The following GSE1 variants were observed in gnomAD, a reference collection of about 807,000 sequenced individuals.
GSE1 encodes the protein genetic suppressor element 1.
In GSE1, 32 loss-of-function variants were observed where a neutral mutation model predicts 112.6. The ratio of observed to expected loss-of-function variants is 0.28; its 90% CI spans 0.21 to 0.38. The LOEUF (loss-of-function observed/expected upper bound fraction) is 0.38. Among genes scored for constraint, GSE1 ranks in the 10% least tolerant of loss-of-function variants. The probability of loss-of-function intolerance (pLI) is 1.00; values close to 1 mark genes in which losing one functional copy is unlikely to be tolerated. For missense variants in GSE1, 2,348 were observed against 1,699.2 expected (o/e 1.38, Z -6.71); for synonymous variants, 1,115 against 735.6 (o/e 1.52, Z -8.35).
At chr16:85,600,568 C>CACAA (rs145960286) in intron 1 of GSE1, among the ~76,000 whole-genome samples, 2,781 of 151,176 alleles carry the variant, frequency 0.018, 76 homozygotes, top group African/African-American at 0.061. Flanking sequence ...AAAAAACACA[C>CACAA]ACACACACAC....
At chr16:85,610,928 T>A (rs2151532759), upstream of GSE1, among the ~76,000 whole-genome samples, 1 of 152,198 alleles carries the variant, frequency 6.6e-6, no homozygotes. Flanking sequence ...AAAAGCCGAG[T>A]GATGCACCTC....
intron 2 of GSE1, among the ~76,000 whole-genome samples, chr16:85,536,545 G>A (rs2044334679): frequency 6.6e-6 from 1 of 152,204 alleles, no homozygotes; most frequent in Non-Finnish European, 1.5e-5. Context: ...ACGGATAACG[G>A]AGGGCTGGGC....
At chr16:85,476,731 C>A (rs1175277563) in intron 2 of GSE1, among the ~76,000 whole-genome samples, 1 of 151,894 alleles carries the variant, frequency 6.6e-6, no homozygotes, top group South Asian at 2.1e-4. Flanking sequence ...ACCGCAGCCT[C>A]CCCAGTAGCT....
chr16:85,294,329 G>T (rs1165299945), intron 1 of GSE1, among the ~76,000 whole-genome samples: 3 of 152,206 alleles, frequency 2.0e-5, no homozygotes, highest in Non-Finnish European at 4.4e-5. Flanking sequence ...CATGGAACCT[G>T]TACCCTCTGG....
At chr16:85,534,716 G>A (rs943797594) in intron 2 of GSE1, among the ~76,000 whole-genome samples, 7 of 152,190 alleles carry the variant, frequency 4.6e-5, no homozygotes, top group Admixed American at 3.3e-4. Flanking sequence ...CCCTCCCGTC[G>A]CTTCTTTTGG....
At chr16:85,648,479 C>T in intron 2 of GSE1, 73 bp from the exon 3 acceptor site, 2 of 753,444 alleles carry the variant, frequency 2.7e-6, no homozygotes, top group Non-Finnish European at 4.3e-6. Context: ...CAGCTGGAGC[C>T]CAGGTCCCCA....
intron 2 of GSE1, among the ~76,000 whole-genome samples, chr16:85,437,544 G>A (rs1405604175): frequency 2.6e-5 from 4 of 151,922 alleles, no homozygotes; most frequent in South Asian, 2.1e-4. Flanking sequence ...ACAGCCCTGC[G>A]GGTTCTACCA....
intron 2 of GSE1, among the ~76,000 whole-genome samples, chr16:85,517,550 A>G (rs2051992363): frequency 6.6e-6 from 1 of 152,064 alleles, no homozygotes; most frequent in Admixed American, 6.5e-5. Context: ...GCCTGGAGAG[A>G]GTGGAAGTGG....
chr16:85,671,812 C>G (rs999702171), intron 15 of GSE1: 29 of 154,726 alleles, frequency 1.9e-4, no homozygotes, highest in Non-Finnish European at 3.4e-4. Context: ...ACGTGGCTCA[C>G]AGCCACACTA....
intron 2 of GSE1, among the ~76,000 whole-genome samples, chr16:85,500,339 G>A (rs2051318387): frequency 1.3e-5 from 2 of 152,196 alleles, no homozygotes; most frequent in South Asian, 4.1e-4. Flanking sequence ...TGGCTAATTT[G>A]TTTTCAATAG....
intron 1 of GSE1, among the ~76,000 whole-genome samples, chr16:85,297,471 T>C (rs780761702): frequency 6.7e-6 from 1 of 150,210 alleles, no homozygotes; most frequent in Non-Finnish European, 1.5e-5. Context: ...GGGTTGCCCC[T>C]GTCATGAATG....
intron 2 of GSE1, among the ~76,000 whole-genome samples, chr16:85,421,772 C>T (rs1213518018): frequency 6.6e-6 from 1 of 152,082 alleles, no homozygotes; most frequent in Non-Finnish European, 1.5e-5. Context: ...GGGCCTCCCA[C>T]CAGGAACCCC....
chr16:85,361,829 G>A (rs2047088388), intron 2 of GSE1, among the ~76,000 whole-genome samples: 1 of 152,066 alleles, frequency 6.6e-6, no homozygotes, highest in Admixed American at 6.6e-5. Flanking sequence ...GCGGTGATGA[G>A]TTTGGTAACA....
intron 2 of GSE1, among the ~76,000 whole-genome samples, chr16:85,421,439 A>C (rs1011381555): frequency 2.0e-5 from 3 of 152,178 alleles, no homozygotes; most frequent in African/African-American, 7.2e-5. Context: ...TCATTCAACC[A>C]GGAGAAAGCT....
intron 1 of GSE1, among the ~76,000 whole-genome samples, chr16:85,315,730 G>A (rs201611255): frequency 7.2e-5 from 11 of 152,336 alleles, no homozygotes; most frequent in Non-Finnish European, 1.6e-4. Flanking sequence ...TCTATCCCAT[G>A]CAGTATTTGG....
intron 2 of GSE1, among the ~76,000 whole-genome samples, chr16:85,416,674 A>G (rs1198792107): frequency 6.6e-6 from 1 of 152,170 alleles, no homozygotes; most frequent in Non-Finnish European, 1.5e-5. Context: ...TTTCCTTGCT[A>G]AGATTCTTCA....
At chr16:85,474,775 A>G (rs998818571) in intron 2 of GSE1, among the ~76,000 whole-genome samples, 1 of 151,230 alleles carries the variant, frequency 6.6e-6, no homozygotes, top group South Asian at 2.1e-4. Flanking sequence ...CTGAGCCTCC[A>G]GGACCCCTGG....
At chr16:85,178,327 AT>A (rs1225719150) in intron 1 of GSE1, among the ~76,000 whole-genome samples, 1 of 152,004 alleles carries the variant, frequency 6.6e-6, no homozygotes, top group Non-Finnish European at 1.5e-5. Context: ...TTGGGGGGTA[AT>A]GTGCTGGCGA....
At chr16:85,664,414 C>T (rs764369000) in intron 11 of GSE1, 2 of 152,374 alleles carry the variant, frequency 1.3e-5, no homozygotes, top group East Asian at 1.9e-4. Flanking sequence ...TTTTCCCTTT[C>T]TCTTAGCGGG....
Sources: gnomAD v4.1 joint callset for allele counts (sites outside exome capture counted in the v4.1 genomes callset) on GRCh38, gnomAD v4.1.1 for gene constraint, MANE v1.5 for transcripts, NCBI Gene and HGNC (gene_info 2026-07-23, HGNC 2026-07-21) for gene names.